Variants in FILIP1L observed in about 807,000 individuals in gnomAD.
FILIP1L encodes filamin A-interacting protein 1-like.
In FILIP1L, 55 loss-of-function variants were observed where a neutral mutation model predicts 96.6. That is an observed-to-expected ratio of 0.57 (90% confidence interval 0.46 to 0.71). FILIP1L has a LOEUF of 0.71. Ranked by LOEUF, FILIP1L falls within the 30% of genes least tolerant of loss-of-function variation. The probability of loss-of-function intolerance (pLI) is 0.00; values close to 1 mark genes in which losing one functional copy is unlikely to be tolerated. For synonymous variants in FILIP1L, 467 were observed against 473.9 expected, an observed-to-expected ratio of 0.99 and a Z score of 0.19; for missense variants, 1,304 against 1,321.2, an observed-to-expected ratio of 0.99 and a Z score of 0.20.
intron 3 of FILIP1L, 70 bp from the exon 4 acceptor site, chr3:99,924,478 A>G (rs534174957): frequency 6.3e-6 from 9 of 1,438,492 alleles, no homozygotes; most frequent in Non-Finnish European, 8.7e-6. Context: ...TCTTTTAGAA[A>G]TGTCCCTGTT....
intron 4 of FILIP1L, among the ~76,000 whole-genome samples, chr3:99,877,778 A>T (rs1199511645): frequency 6.6e-6 from 1 of 152,178 alleles, no homozygotes; most frequent in South Asian, 2.1e-4. Flanking sequence ...TTTATTACAA[A>T]TGAGATTAAA....
intron 1 of FILIP1L, among the ~76,000 whole-genome samples, chr3:99,978,560 C>T (rs1709033474): frequency 6.6e-6 from 1 of 152,148 alleles, no homozygotes; most frequent in African/African-American, 2.4e-5. Context: ...ACCACATATT[C>T]TCATTCATAT....
At chr3:100,078,333 C>T (rs1212146888) in intron 1 of FILIP1L, among the ~76,000 whole-genome samples, 1 of 152,098 alleles carries the variant, frequency 6.6e-6, no homozygotes, top group African/African-American at 2.4e-5. Context: ...TAGAACTTTG[C>T]CTAATTTTTT....
At chr3:99,938,804 A>G (rs1251981821) in intron 1 of FILIP1L, among the ~76,000 whole-genome samples, 1 of 152,046 alleles carries the variant, frequency 6.6e-6, no homozygotes, top group Non-Finnish European at 1.5e-5. Flanking sequence ...AGGGGAAAAA[A>G]TCCTGTTGGG....
Position 100,031,621 on chromosome 3 carries a change from C to CT in FILIP1L, c.-11+82431dup, listed in dbSNP as rs1321867547. Among the ~76,000 whole-genome samples the CT allele has an allele frequency of 2.6e-5, 4 of 151,340 alleles. No homozygotes were observed. In the East Asian group the frequency reaches 5.8e-4, roughly 22 times the overall value. ...CGCATCCCTTGGCTCCTCCTGTGTT[C>CT]TTTTTTTTTAACTAACGCATTCTCT... is the stretch of plus-strand genomic sequence containing the variant. On this transcript the variant is annotated intron_variant, in intron 1 of 5. Coordinates refer to ENST00000477258, the MANE Select transcript of FILIP1L (RefSeq NM_001387850.1).
intron 1 of FILIP1L, among the ~76,000 whole-genome samples, chr3:99,998,619 G>C (rs1447433269): frequency 6.6e-6 from 1 of 152,230 alleles, no homozygotes; most frequent in African/African-American, 2.4e-5. Flanking sequence ...CTGGAGTGCA[G>C]TGGTGCGATC....
chr3:99,928,699 GT>G (rs1164466829), intron 3 of FILIP1L, among the ~76,000 whole-genome samples: 6 of 152,244 alleles, frequency 3.9e-5, no homozygotes, highest in Admixed American at 3.9e-4. Context: ...TTTTGTTAGG[GT>G]TATGTTCAGA....
intron 5 of FILIP1L, among the ~76,000 whole-genome samples, chr3:99,843,697 T>C (rs1417795199): frequency 6.6e-6 from 1 of 152,142 alleles, no homozygotes; most frequent in Non-Finnish European, 1.5e-5. Flanking sequence ...TGGGCAAAAT[T>C]GTCTAGCAAC....
rs371794170 is a variant in FILIP1L, at chr3:99,850,691, C to T, written c.985G>A (p.Ala329Thr). The T allele has an allele frequency of 3.1e-6, 5 of 1,614,152 alleles. No homozygotes were observed. Among genetic ancestry groups the T allele is most frequent in the South Asian group, 2.2e-5 (2 of 91,072 alleles). ...QNRQLQQKLAALSRQIDELEE... is the reference protein window; with the variant it reads ...QNRQLQQKLATLSRQIDELEE... ...AACTCATCAATCTGCCGGCTGAGTG[C>T]TGCCAGCTTTTGTTGAAGCTGGCGA... The change falls in exon 5 of 6, where the codon GCA (alanine) becomes ACA (threonine). Residue 329 changes from alanine to threonine, a missense_variant. Transcript: ENST00000477258.
intron 5 of FILIP1L, among the ~76,000 whole-genome samples, chr3:99,834,819 A>C (rs908893008): frequency 1.3e-5 from 2 of 152,160 alleles, no homozygotes; most frequent in Admixed American, 6.5e-5. Context: ...TAGTTTTGGC[A>C]CTAACTAGCT....
At position 99,848,528 on chromosome 3, in the gene FILIP1L, T is replaced by C. The variant is rs1943481359; in HGVS notation, c.3148A>G (p.Asn1050Asp). The C allele has an allele frequency of 6.2e-7, 1 of 1,614,228 alleles. No individual in the cohort carries two copies. Residue 1050 changes from asparagine to aspartate, a missense_variant, in exon 5 of 6, where the codon AAT becomes GAT. Asn to Asp is a conservative substitution (Grantham distance 23). Coordinates refer to ENST00000477258, the MANE Select transcript of FILIP1L (RefSeq NM_001387850.1). ...TCAGTAGTTATCACACTTGAGCTAT[T>C]GCTGTTTGAACGCTGAAACTGCCAT... Reference protein sequence around the residue: ...SSWQFQRSNSNSSSVITTEDN... With the variant: ...SSWQFQRSNSDSSSVITTEDN...
chr3:99,856,586 G>A (rs1030182278), intron 4 of FILIP1L, among the ~76,000 whole-genome samples: 4 of 152,232 alleles, frequency 2.6e-5, no homozygotes, highest in Non-Finnish European at 5.9e-5. Flanking sequence ...CTTTCCGTTA[G>A]AGTTTCTACT....
At chr3:99,935,857 G>T (rs751740658) in intron 1 of FILIP1L, among the ~76,000 whole-genome samples, 1 of 152,214 alleles carries the variant, frequency 6.6e-6, no homozygotes, top group Non-Finnish European at 1.5e-5. Flanking sequence ...TGGTAAGGAT[G>T]TGTCCATGCA....
At chr3:99,990,377 C>T (rs1036398911) in intron 1 of FILIP1L, among the ~76,000 whole-genome samples, 4 of 152,206 alleles carry the variant, frequency 2.6e-5, no homozygotes, top group Admixed American at 1.3e-4. Flanking sequence ...TCTCTATTCA[C>T]AGCTTACATT....
intron 1 of FILIP1L, among the ~76,000 whole-genome samples, chr3:99,976,796 T>A (rs550718982): frequency 1.3e-5 from 2 of 152,318 alleles, no homozygotes; most frequent in African/African-American, 4.8e-5. Flanking sequence ...TCTTTGATTA[T>A]TTTTTAGAAG....
chr3:99,924,052 C>G (rs1207853850), intron 4 of FILIP1L, among the ~76,000 whole-genome samples, 178 bp downstream of exon 4: 1 of 152,188 alleles, frequency 6.6e-6, no homozygotes, highest in East Asian at 1.9e-4. Context: ...TATCACACAT[C>G]TGGTTATCCA....
intron 5 of FILIP1L, among the ~76,000 whole-genome samples, chr3:99,832,560 A>AAAG (rs201155810): frequency 0.026 from 3,177 of 120,784 alleles, 116 homozygotes; most frequent in Non-Finnish European, 0.035. Flanking sequence ...AAAAAAAAAA[A>AAAG]GGCCTAGCGC....
Position 100,006,247 on chromosome 3 carries a change from A to T in FILIP1L, c.-10-75217T>A, listed in dbSNP as rs116583983. ...CCCAAACTGTTTTCCCCAGCCCTCAACTGATCTTTGGCTCTTATTTAAATT... is the reference window on the plus strand; with the variant it reads ...CCCAAACTGTTTTCCCCAGCCCTCATCTGATCTTTGGCTCTTATTTAAATT... On this transcript the variant is annotated intron_variant, in intron 1 of 5. Coordinates refer to ENST00000477258, the MANE Select transcript of FILIP1L (RefSeq NM_001387850.1). Among the ~76,000 whole-genome samples, 1,081 of 152,132 alleles carry T rather than the reference A, an allele frequency of 7.1e-3. 17 individuals carry two copies. The highest frequency in any genetic ancestry group is 0.025 in the African/African-American group (1,047 of 41,500).
chr3:100,074,850 C>T (rs1445297422), intron 1 of FILIP1L, among the ~76,000 whole-genome samples: 2 of 151,490 alleles, frequency 1.3e-5, no homozygotes. Flanking sequence ...CGCACCACCA[C>T]TCCTGGCTAA....
Sources: allele counts gnomAD v4.1 joint callset (sites outside exome capture counted in the v4.1 genomes callset), GRCh38; gene constraint gnomAD v4.1.1; transcripts MANE v1.5; gene names NCBI Gene and HGNC (gene_info 2026-07-23, HGNC 2026-07-21).